Variants in SMURF1 observed in about 807,000 individuals in gnomAD.
SMURF1 encodes the protein SMAD specific E3 ubiquitin protein ligase 1, also known as E3 ubiquitin-protein ligase SMURF1.
In SMURF1, 44 loss-of-function variants were observed where a neutral mutation model predicts 98.0. The ratio of observed to expected loss-of-function variants is 0.45; its 90% CI spans 0.35 to 0.58. SMURF1 has a LOEUF of 0.58. Ranked by LOEUF, SMURF1 falls within the 20% of genes least tolerant of loss-of-function variation. SMURF1 has a pLI of 0.00. For synonymous variants in SMURF1, 396 were observed against 374.9 expected, an observed-to-expected ratio of 1.06 and a Z score of -0.65; for missense variants, 687 against 938.4, an observed-to-expected ratio of 0.73 and a Z score of 3.50.
intron 5 of SMURF1, 97 bp downstream of exon 5, chr7:99,057,108 T>TCAGCATCGTCAGTGCCTGTATGGC: frequency 1.5e-6 from 2 of 1,319,718 alleles, no homozygotes; most frequent in Non-Finnish European, 1.1e-6. Flanking sequence ...CTGAGGCCCG[T>TCAGCATCGTCAGTGCCTGTATGGC]CAGCATCGTC....
intron 1 of SMURF1, among the ~76,000 whole-genome samples, chr7:99,093,137 C>T (rs934403569): frequency 3.3e-5 from 5 of 152,092 alleles, no homozygotes; most frequent in African/African-American, 1.2e-4. Flanking sequence ...AATAATCTCA[C>T]GCTGCTCCAA....
chr7:99,122,799 G>C (rs893106319), intron 1 of SMURF1, among the ~76,000 whole-genome samples: 1 of 98,930 alleles, frequency 1.0e-5, no homozygotes, highest in Admixed American at 1.4e-4. Flanking sequence ...TCACTTCTCT[G>C]TGTCTTTTGG....
At chr7:99,108,206 C>T (rs1003887413) in intron 1 of SMURF1, among the ~76,000 whole-genome samples, 2 of 152,054 alleles carry the variant, frequency 1.3e-5, no homozygotes, top group Non-Finnish European at 2.9e-5. Flanking sequence ...CCTGTTACGC[C>T]CTTGCACTAA....
At chr7:99,050,811 C>T in intron 8 of SMURF1, 1 of 837,250 alleles carries the variant, frequency 1.2e-6, no homozygotes, top group Non-Finnish European at 1.8e-6. Flanking sequence ...CTAAATATTA[C>T]CAAAAATCAT....
chr7:99,132,699 GACACACACAC>G lies in SMURF1; in HGVS notation c.55+11017_55+11026del, dbSNP rs113194877. ...TATTATAACATCACACAGACACACG[GACACACACAC>G]ACACACACACACACACAGAGGAATA... On this transcript the variant is annotated intron_variant, in intron 1 of 17. Transcript: ENST00000361368. Among the ~76,000 whole-genome samples the G allele has an allele frequency of 5.4e-5, 8 of 147,400 alleles. No individual in the cohort carries two copies. The East Asian group carries it at 6.0e-4, about 11-fold the overall frequency.
intron 14 of SMURF1, 88 bp downstream of exon 14, chr7:99,038,300 A>G: frequency 6.8e-7 from 1 of 1,469,524 alleles, no homozygotes; most frequent in African/African-American, 1.4e-5. Context: ...AGGGACATGC[A>G]GGCCTCACAC....
At chr7:99,058,193 G>A (rs1015915178) in intron 3 of SMURF1, among the ~76,000 whole-genome samples, 6 of 151,916 alleles carry the variant, frequency 3.9e-5, no homozygotes, top group African/African-American at 1.2e-4. Context: ...GTGCAATGGC[G>A]CAGTGTTAGC....
intron 1 of SMURF1, among the ~76,000 whole-genome samples, chr7:99,105,422 C>A (rs1162241799): frequency 6.6e-6 from 1 of 152,142 alleles, no homozygotes; most frequent in Non-Finnish European, 1.5e-5. Flanking sequence ...ACTAAAACAA[C>A]AACCACTACT....
chr7:99,105,139 C>G (rs187830286), intron 1 of SMURF1, among the ~76,000 whole-genome samples: 2 of 152,206 alleles, frequency 1.3e-5, no homozygotes, highest in East Asian at 1.9e-4. Flanking sequence ...TGCACATGCA[C>G]GTGAATAAGC....
chr7:99,060,342 G>A (rs1161837922), intron 3 of SMURF1, among the ~76,000 whole-genome samples: 12 of 139,494 alleles, frequency 8.6e-5, no homozygotes, highest in East Asian at 6.4e-4. Context: ...TCACGCCACC[G>A]CACTCCAGCC....
At chr7:99,046,230 CA>C (rs1416784743) in intron 10 of SMURF1, among the ~76,000 whole-genome samples, 1 of 152,114 alleles carries the variant, frequency 6.6e-6, no homozygotes, top group African/African-American at 2.4e-5. Context: ...TGAAAAATCA[CA>C]TTTGATTTCC....
chr7:99,124,652 GAAA>G (rs912034555), intron 1 of SMURF1, among the ~76,000 whole-genome samples: 1 of 142,658 alleles, frequency 7.0e-6, no homozygotes, highest in Non-Finnish European at 1.5e-5. Flanking sequence ...TGTCAAAAAG[GAAA>G]AAAAAAAAAG....
intron 1 of SMURF1, among the ~76,000 whole-genome samples, chr7:99,143,417 A>C (rs1325479090): frequency 4.2e-5 from 5 of 119,974 alleles, no homozygotes; most frequent in Non-Finnish European, 7.0e-5. Context: ...CCAGGGAAGG[A>C]GATGCAAGGG....
rs370403487 is a variant in SMURF1 at position 99,079,522 on chromosome 7, C to T, written c.56-17685G>A. Among the ~76,000 whole-genome samples the T allele has an allele frequency of 9.0e-4, 137 of 152,272 alleles. 1 individual carries two copies. In the South Asian group the frequency reaches 0.024, roughly 27 times the overall value. On this transcript the variant is annotated intron_variant, in intron 1 of 17. Coordinates refer to ENST00000361368, the MANE Select transcript of SMURF1 (RefSeq NM_181349.3). ...AAGAAACTCAATAAAAGTGTTTCCT[C>T]GTAAAACAGAGACTACATACTCGTT...
At chr7:99,137,181 G>A (rs186493939) in intron 1 of SMURF1, among the ~76,000 whole-genome samples, 1 of 151,848 alleles carries the variant, frequency 6.6e-6, no homozygotes, top group South Asian at 2.1e-4. Flanking sequence ...TATTTACCTG[G>A]CTATTTAGGA....
chr7:99,042,999 C>T (rs568276416), intron 11 of SMURF1, among the ~76,000 whole-genome samples: 2 of 152,282 alleles, frequency 1.3e-5, no homozygotes, highest in Non-Finnish European at 1.5e-5. Context: ...GATGAGACTC[C>T]GAATCCTATA....
chr7:99,138,072 A>C (rs1484188220), intron 1 of SMURF1, among the ~76,000 whole-genome samples: 1 of 151,580 alleles, frequency 6.6e-6, no homozygotes, highest in Non-Finnish European at 1.5e-5. Flanking sequence ...TCACTTACAA[A>C]ATAACAAACC....
At chr7:99,127,257 C>G (rs987418675) in intron 1 of SMURF1, among the ~76,000 whole-genome samples, 1 of 152,142 alleles carries the variant, frequency 6.6e-6, no homozygotes, top group African/African-American at 2.4e-5. Context: ...CAGAGAAATC[C>G]CTGATCCGTA....
chr7:99,063,247 AT>A (rs1796088862), intron 1 of SMURF1, among the ~76,000 whole-genome samples: 1 of 2,114 alleles, frequency 4.7e-4, no homozygotes, highest in East Asian at 0.013. Context: ...TTATTTATAT[AT>A]ATATATATAT....
Sources: allele counts gnomAD v4.1 joint callset (sites outside exome capture counted in the v4.1 genomes callset), GRCh38; gene constraint gnomAD v4.1.1; transcripts MANE v1.5; gene names NCBI Gene and HGNC (gene_info 2026-07-23, HGNC 2026-07-21).